Variants in OR4K13 observed in about 807,000 individuals in gnomAD.
OR4K13 encodes the protein olfactory receptor 4K13.
For synonymous variants in OR4K13, 160 were observed against 134.8 expected, an observed-to-expected ratio of 1.19 and a Z score of -1.30; for missense variants, 403 against 366.0, an observed-to-expected ratio of 1.10 and a Z score of -0.82.
At position 20,031,785 on chromosome 14, in the gene OR4K13, C is replaced by T. The variant is rs59159434; in HGVS notation, c.*2059G>A. 6.8e-6 allele frequency: 1 copy of T among 147,488 alleles called. No individual in the cohort carries two copies. The highest frequency in any genetic ancestry group is 1.5e-5 in the Non-Finnish European group (1 of 67,508). The allele number at this position is 147,488 out of a possible 1,614,324, so 9.1% of individuals were successfully genotyped here. On this transcript the variant is annotated 3_prime_UTR_variant, in exon 2 of 2. Transcript: ENST00000641904. ...AGCTGAAGTCTCCCCCGCCTCCCCC[C>T]ACCCCGAGCCCCCAACACACCCACC...
Position 20,033,401 on chromosome 14 carries a change from T to A in OR4K13, c.*443A>T, listed in dbSNP as rs1344138007. On this transcript the variant is annotated 3_prime_UTR_variant, in exon 2 of 2. Transcript: ENST00000641904. ...ATAACAACAACAAAAAACCTAACAA[T>A]AATAATGTGTTTTCTGAGGTTTAAG... 6.5e-6 allele frequency: 1 copy of A among 154,710 alleles called. No homozygotes were observed. The highest frequency in any genetic ancestry group is 2.4e-5 in the African/African-American group (1 of 41,428). The allele number at this position is 154,710 out of a possible 1,614,324, so 9.6% of individuals were successfully genotyped here. A position where few individuals can be genotyped will look rare whatever the true frequency, so the allele number is the denominator to read the frequency against.
chr14:20,034,234 G>A lies in OR4K13; in HGVS notation c.525C>T (p.Asp175=). 1 of 1,614,142 alleles carries A rather than the reference G, an allele frequency of 6.2e-7. No homozygotes were observed. Among genetic ancestry groups the A allele is most frequent in the Non-Finnish European group, 8.5e-7 (1 of 1,180,010 alleles). ...TLPFCGPNVI[D]SFFCDLPLVI... ...CAAGGGGAAGGTCACAGAAAAAGCT[G>A]TCTATAACATTGGGACCACAGAAGG... is the stretch of plus-strand genomic sequence containing the variant. Residue 175 remains aspartate, a synonymous_variant, in exon 2 of 2, where the codon GAC becomes GAT. Coordinates refer to ENST00000641904, the MANE Select transcript of OR4K13 (RefSeq NM_001004714.2).
Position 20,034,939 on chromosome 14 carries a change from G to C in OR4K13, c.-181C>G. ...AGTCAGTGATTTTACTAATGGCCCA[G>C]AGAAGTATCCCAAATAGTCAGTAGA... On this transcript the variant is annotated 5_prime_UTR_variant, in exon 2 of 2. Transcript: ENST00000641904. The C allele has an allele frequency of 1.7e-6, 1 of 585,016 alleles. No homozygotes were observed. The highest frequency in any genetic ancestry group is 3.0e-6 in the Non-Finnish European group (1 of 332,000). 36.2% of individuals were successfully genotyped at this position (585,016 alleles called of 1,614,324 possible).
At position 20,033,751 on chromosome 14, in the gene OR4K13, C is replaced by T. The variant is rs1190252793; in HGVS notation, c.*93G>A. On this transcript the variant is annotated 3_prime_UTR_variant, in exon 2 of 2. Coordinates refer to ENST00000641904, the MANE Select transcript of OR4K13 (RefSeq NM_001004714.2). ...GGCAAAAACCGCAATGACTTTTGCA[C>T]GAACCTGATACATTAAAAACGAGTT... The T allele has an allele frequency of 3.8e-5, 27 of 713,374 alleles. No individual in the cohort carries two copies. Among genetic ancestry groups the T allele is most frequent in the South Asian group, 3.1e-4 (15 of 48,636 alleles). 44.2% of individuals were successfully genotyped at this position (713,374 alleles called of 1,614,324 possible). A position where few individuals can be genotyped will look rare whatever the true frequency, so the allele number is the denominator to read the frequency against.
chr14:20,031,570 C>G lies in OR4K13; in HGVS notation c.*2274G>C, dbSNP rs1240618687. ...CTTGACATAAGAAATACATAAATAA[C>G]TTACAAATAATTTATATCACAAATT... On this transcript the variant is annotated 3_prime_UTR_variant, in exon 2 of 2. Coordinates refer to ENST00000641904, the MANE Select transcript of OR4K13 (RefSeq NM_001004714.2). 1 of 152,024 alleles carries G rather than the reference C, an allele frequency of 6.6e-6. No homozygotes were observed. The highest frequency in any genetic ancestry group is 1.5e-5 in the Non-Finnish European group (1 of 68,002). 9.4% of individuals were successfully genotyped at this position (152,024 alleles called of 1,614,324 possible).
rs184617178 is a variant in OR4K13, at chr14:20,034,474, C to T, written c.285G>A (p.Trp95Ter). 148 of 1,613,868 alleles carry T rather than the reference C, an allele frequency of 9.2e-5. No individual in the cohort carries two copies. In the East Asian group the frequency reaches 2.7e-3, roughly 29 times the overall value. The change falls in exon 2 of 2, where the codon TGG (tryptophan) becomes TGA (stop). Residue 95 changes from tryptophan to a stop codon, truncating the protein, a stop_gained. Coordinates refer to ENST00000641904, the MANE Select transcript of OR4K13 (RefSeq NM_001004714.2). LOFTEE classifies it low-confidence loss of function (END_TRUNC). ...FLRERKTISW[W>*]GCYSQMFFMH... ...TAAAGAACATCTGGGAATAACATCC[C>T]CACCATGAGATGGTCTTACGTTCTC... is the stretch of plus-strand genomic sequence containing the variant.
At chr14:20,035,628 A>G (rs1261881129) in intron 1 of OR4K13, 3 of 152,002 alleles carry the variant, frequency 2.0e-5, no homozygotes, top group Non-Finnish European at 4.4e-5. Flanking sequence ...GCTTGCATTC[A>G]TTTATTCATT....
At position 20,031,677 on chromosome 14, in the gene OR4K13, A is replaced by T. The variant is rs577298061; in HGVS notation, c.*2167T>A. 2.0e-5 allele frequency: 3 copies of T among 152,320 alleles called. No homozygotes were observed. The South Asian group carries it at 6.2e-4, about 32-fold the overall frequency. 9.4% of individuals were successfully genotyped at this position (152,320 alleles called of 1,614,324 possible). ...TAAAAACAAAACTCTAGATTATATTAAACCTATGGGTATTTTCATAGTATG... is the reference window on the plus strand; with the variant it reads ...TAAAAACAAAACTCTAGATTATATTTAACCTATGGGTATTTTCATAGTATG... On this transcript the variant is annotated 3_prime_UTR_variant, in exon 2 of 2. Coordinates refer to ENST00000641904, the MANE Select transcript of OR4K13 (RefSeq NM_001004714.2).
chr14:20,034,469 C>T lies in OR4K13; in HGVS notation c.290G>A (p.Cys97Tyr). Reference sequence around the variant, plus strand: ...GTGCATAAAGAACATCTGGGAATAACATCCCCACCATGAGATGGTCTTACG... The same window carrying T: ...GTGCATAAAGAACATCTGGGAATAATATCCCCACCATGAGATGGTCTTACG... ...RERKTISWWG[C>Y]YSQMFFMHLL... The change falls in exon 2 of 2, where the codon TGT becomes TAT. Residue 97 changes from cysteine to tyrosine, a missense_variant. Coordinates refer to ENST00000641904, the MANE Select transcript of OR4K13 (RefSeq NM_001004714.2). 1.2e-6 allele frequency: 2 copies of T among 1,614,008 alleles called. No homozygotes were observed. Among genetic ancestry groups the T allele is most frequent in the Non-Finnish European group, 1.7e-6 (2 of 1,179,978 alleles).
chr14:20,034,702 T>C lies in OR4K13; in HGVS notation c.57A>G (p.Lys19=), dbSNP rs1877525506. The C allele has an allele frequency of 6.2e-7, 1 of 1,612,626 alleles. No homozygotes were observed. The highest frequency in any genetic ancestry group is 8.5e-7 in the Non-Finnish European group (1 of 1,179,566). ...AGAATAAAATCTGAAGATTTTGAGATTTGGAAAGTCCCAACAAAATAAATT... is the reference window on the plus strand; with the variant it reads ...AGAATAAAATCTGAAGATTTTGAGACTTGGAAAGTCCCAACAAAATAAATT... The part of the protein sequence containing the change: ...VSEFILLGLS[K]SQNLQILFFL... The change falls in exon 2 of 2, where the codon AAA becomes AAG. Residue 19 remains lysine, a synonymous_variant. Transcript: ENST00000641904.
chr14:20,031,616 A>G lies in OR4K13; in HGVS notation c.*2228T>C, dbSNP rs1287433236. The stretch of plus-strand genomic sequence containing the variant: ...AAATTCGTGACAATTTGCTCAACAA[A>G]TTGTCAGTCACATCAACCAATCAAT... On this transcript the variant is annotated 3_prime_UTR_variant, in exon 2 of 2. Coordinates refer to ENST00000641904, the MANE Select transcript of OR4K13 (RefSeq NM_001004714.2). 6.6e-6 allele frequency: 1 copy of G among 152,212 alleles called. No homozygotes were observed. The highest frequency in any genetic ancestry group is 1.5e-5 in the Non-Finnish European group (1 of 68,042). 9.4% of individuals were successfully genotyped at this position (152,212 alleles called of 1,614,324 possible).
Position 20,029,426 on chromosome 14 carries a change from T to C in OR4K13, c.*4418A>G, listed in dbSNP as rs1249295393. The stretch of plus-strand genomic sequence containing the variant: ...ATAAGTTAAAAATTAAACCACGTTC[T>C]AGGATAGGAAAGTCAAATGTGGTCA... On this transcript the variant is annotated 3_prime_UTR_variant, in exon 2 of 2. Coordinates refer to ENST00000641904, the MANE Select transcript of OR4K13 (RefSeq NM_001004714.2). The C allele has an allele frequency of 1.3e-5, 2 of 152,128 alleles. No individual in the cohort carries two copies. Among genetic ancestry groups the C allele is most frequent in the Non-Finnish European group, 2.9e-5 (2 of 68,010 alleles). 9.4% of individuals were successfully genotyped at this position (152,128 alleles called of 1,614,324 possible).
Position 20,033,900 on chromosome 14 carries a change from AAAT to A in OR4K13, c.856_858del (p.Ile286del). 1 of 1,585,466 alleles carries A rather than the reference AAAT, an allele frequency of 6.3e-7. No homozygotes were observed. The highest frequency in any genetic ancestry group is 2.2e-5 in the East Asian group (1 of 44,774). ...TTTACCTCTTGATTTCTTAATGTATAAATAATAGGATTTAAGAGAGGTGTGAAA... is the reference window on the plus strand; with the variant it reads ...TTTACCTCTTGATTTCTTAATGTATAAATAGGATTTAAGAGAGGTGTGAAA... On this transcript the variant is annotated inframe_deletion, in exon 2 of 2. Coordinates refer to ENST00000641904, the MANE Select transcript of OR4K13 (RefSeq NM_001004714.2).
At position 20,030,196 on chromosome 14, in the gene OR4K13, T is replaced by G. The variant is rs1877382930; in HGVS notation, c.*3648A>C. 1 of 152,106 alleles carries G rather than the reference T, an allele frequency of 6.6e-6. No homozygotes were observed. Among genetic ancestry groups the G allele is most frequent in the Admixed American group, 6.5e-5 (1 of 15,280 alleles). 9.4% of individuals were successfully genotyped at this position (152,106 alleles called of 1,614,324 possible). On this transcript the variant is annotated 3_prime_UTR_variant, in exon 2 of 2. Coordinates refer to ENST00000641904, the MANE Select transcript of OR4K13 (RefSeq NM_001004714.2). Reference sequence around the variant, plus strand: ...TTTTTGGGTTGATGAAACTGTTCTATCTCTGAGATTTGATAATTATATAAC... The same window carrying G: ...TTTTTGGGTTGATGAAACTGTTCTAGCTCTGAGATTTGATAATTATATAAC...
Position 20,034,381 on chromosome 14 carries a change from T to C in OR4K13, c.378A>G (p.Ile126Met), listed in dbSNP as rs773239817. The C allele has an allele frequency of 1.2e-6, 2 of 1,614,060 alleles. No homozygotes were observed. Among genetic ancestry groups the C allele is most frequent in the South Asian group, 1.1e-5 (1 of 91,040 alleles). The change falls in exon 2 of 2, where the codon ATA becomes ATG. Residue 126 changes from isoleucine to methionine, a missense_variant. Coordinates refer to ENST00000641904, the MANE Select transcript of OR4K13 (RefSeq NM_001004714.2). ...TGGTCATGTAATGGAGGGGTTTGCA[T>C]ATGGCAACATACCTGTCTATTGCCA... ...VAMAIDRYVA[I>M]CKPLHYMTIM...
In OR4K13 at chr14:20,034,098, T is replaced by G. The variant is rs772065377; in HGVS notation, c.661A>C (p.Ile221Leu). 1.0e-4 allele frequency: 166 copies of G among 1,613,960 alleles called. No homozygotes were observed. The highest frequency in any genetic ancestry group is 1.4e-4 in the Non-Finnish European group (160 of 1,180,018). Residue 221 changes from isoleucine to leucine, a missense_variant, in exon 2 of 2, where the codon ATA (isoleucine) becomes CTA (leucine). Physicochemically the swap from Ile to Leu is conservative, Grantham distance 5 (BLOSUM62 2). Coordinates refer to ENST00000641904, the MANE Select transcript of OR4K13 (RefSeq NM_001004714.2). ...GCACGGTACCTAACTGAGAATATTA[T>G]GACTCCATAGGAGACAAGCAAGAGG... The part of the protein sequence containing the change: ...FLLLLVSYGV[I>L]IFSVRYRAAS...
chr14:20,033,825 T>G lies in OR4K13; in HGVS notation c.*19A>C. The G allele has an allele frequency of 7.7e-7, 1 of 1,298,064 alleles. No individual in the cohort carries two copies. Among genetic ancestry groups the G allele is most frequent in the Non-Finnish European group, 1.1e-6 (1 of 930,208 alleles). The allele number at this position is 1,298,064 out of a possible 1,614,324, so 80.4% of individuals were successfully genotyped here. ...AGAGTGTCTCTTCAAAAGTCTCATC[T>G]AAAAAGTATGCTTTAAATTTATATG... On this transcript the variant is annotated 3_prime_UTR_variant, in exon 2 of 2. Coordinates refer to ENST00000641904, the MANE Select transcript of OR4K13 (RefSeq NM_001004714.2).
rs1010049225 is a variant in OR4K13 at position 20,032,488 on chromosome 14, A to G, written c.*1356T>C. 6 of 152,214 alleles carry G rather than the reference A, an allele frequency of 3.9e-5. No homozygotes were observed. The highest frequency in any genetic ancestry group is 1.4e-4 in the African/African-American group (6 of 41,472). The allele number at this position is 152,214 out of a possible 1,614,324, so 9.4% of individuals were successfully genotyped here. ...TTAGAGACCTAGTACTCAATGTTTT[A>G]TCTTCTGTCTCTGGAATGGCTTTTC... is the stretch of plus-strand genomic sequence containing the variant. On this transcript the variant is annotated 3_prime_UTR_variant, in exon 2 of 2. Transcript: ENST00000641904.
Position 20,033,885 on chromosome 14 carries a change from G to A in OR4K13, c.874C>T (p.Gln292Ter). The change falls in exon 2 of 2, where the codon CAA becomes TAA. Residue 292 changes from glutamine to a stop codon, truncating the protein, a stop_gained. Coordinates refer to ENST00000641904, the MANE Select transcript of OR4K13 (RefSeq NM_001004714.2). LOFTEE classifies it low-confidence loss of function (END_TRUNC). ...LNPIIYTLRN[Q>*]EVKAAIKKRL... ...TTTTTAATGGCTGCTTTTACCTCTT[G>A]ATTTCTTAATGTATAAATAATAGGA... is the stretch of plus-strand genomic sequence containing the variant. 6.4e-7 allele frequency: 1 copy of A among 1,566,100 alleles called. No homozygotes were observed. Among genetic ancestry groups the A allele is most frequent in the Non-Finnish European group, 8.8e-7 (1 of 1,141,262 alleles).
Sources: allele counts gnomAD v4.1 joint callset, GRCh38; gene constraint gnomAD v4.1.1; transcripts MANE v1.5; gene names NCBI Gene and HGNC (gene_info 2026-07-23, HGNC 2026-07-21).